MINK1: variants seen among roughly 807,000 people sequenced by gnomAD.
MINK1 encodes the protein misshapen-like kinase 1.
Under a neutral mutation model 178.4 loss-of-function variants are expected in MINK1, and 46 were observed. The observed-to-expected ratio is 0.26, with a 90% CI of 0.20 to 0.33. MINK1 has a LOEUF of 0.33. MINK1 is among the 10% of genes least tolerant of loss of function. MINK1 has a pLI of 1.00. For missense variants in MINK1, 1,366 were observed against 1,814.9 expected, an observed-to-expected ratio of 0.75 and a Z score of 4.49; for synonymous variants, 797 against 709.7, an observed-to-expected ratio of 1.12 and a Z score of -1.96.
chr17:4,893,618 C>T, intron 21 of MINK1, 21 bp downstream of exon 21: 2 of 1,513,674 alleles, frequency 1.3e-6, no homozygotes, highest in Non-Finnish European at 8.9e-7. Context: ...GGGAGTGGGG[C>T]CCTCCCACTC....
Position 4,886,615 on chromosome 17 carries a change from G to T in MINK1, c.938G>T (p.Arg313Leu). ...CACATTGACCGATCCCGGAAGAAGC[G>T]GGGTGAGAAAGGTCAGTGGGCAGGC... ...KDHIDRSRKK[R>L]GEKEETEYEY... The change falls in exon 10 of 32, where the codon CGG becomes CTG. Residue 313 changes from arginine (R) to leucine (L), a missense_variant. Arg to Leu is a moderately radical substitution (Grantham distance 102). Around this residue, in one of 14 missense-constraint regions of MINK1, gnomAD observed 23 missense variants for 30.2 expected, o/e 0.76. Transcript: ENST00000355280. The surrounding 1 kb of genome is among the most constrained non-coding windows in gnomAD (Gnocchi z 6.1). The T allele has an allele frequency of 1.3e-6, 2 of 1,593,582 alleles. No individual in the cohort carries two copies. Among genetic ancestry groups the T allele is most frequent in the Non-Finnish European group, 1.7e-6 (2 of 1,168,634 alleles).
In MINK1 at chr17:4,897,429, C is replaced by G; in HGVS notation, c.*142C>G. ...CTGGAGCCTGCTGGGAACGTGACCT[C>G]TGACCCCTGATGCTTTCGTGATCAC... On this transcript the variant is annotated 3_prime_UTR_variant, in exon 32 of 32. Transcript: ENST00000355280. The G allele has an allele frequency of 1.4e-6, 1 of 690,900 alleles. No individual in the cohort carries two copies. The highest frequency in any genetic ancestry group is 2.5e-6 in the Non-Finnish European group (1 of 405,336). The allele number at this position is 690,900 out of a possible 1,614,324, so 42.8% of individuals were successfully genotyped here. A position where few individuals can be genotyped will look rare whatever the true frequency, so the allele number is the denominator to read the frequency against.
intron 1 of MINK1, chr17:4,854,789 T>C: frequency 2.0e-6 from 1 of 491,462 alleles, no homozygotes; most frequent in Non-Finnish European, 4.1e-6. Context: ...TACTTCACGT[T>C]GTGGATTCAG....
Position 4,892,649 on chromosome 17 carries a change from C to A in MINK1, c.2199-7C>A, listed in dbSNP as rs201871060. 92 of 1,595,908 alleles carry A rather than the reference C, an allele frequency of 5.8e-5. No individual in the cohort carries two copies. In the African/African-American group the frequency reaches 6.7e-4, roughly 12 times the overall value. Reference sequence around the variant, plus strand: ...CCTCCCTGACCCTGACTCTGCCCCCCCAACAGTAACCCCGACCTCAGGAGG... The same window carrying A: ...CCTCCCTGACCCTGACTCTGCCCCCACAACAGTAACCCCGACCTCAGGAGG... On this transcript the variant is annotated splice_region_variant and splice_polypyrimidine_tract_variant and intron_variant, in intron 18 of 31. Coordinates refer to ENST00000355280, the MANE Select transcript of MINK1 (RefSeq NM_153827.5).
Position 4,880,236 on chromosome 17 carries a change from C to T in MINK1, c.124-748C>T, listed in dbSNP as rs549532790. On this transcript the variant is annotated intron_variant, in intron 2 of 31. Coordinates refer to ENST00000355280, the MANE Select transcript of MINK1 (RefSeq NM_153827.5). Reference sequence around the variant, plus strand: ...GGCTCAGGAGCGCTCTCTGTCCACTCCCATGAGCAGCACATTCACTGAGGT... The same window carrying T: ...GGCTCAGGAGCGCTCTCTGTCCACTTCCATGAGCAGCACATTCACTGAGGT... Among the ~76,000 whole-genome samples, 15 of 152,144 alleles carry T rather than the reference C, an allele frequency of 9.9e-5. No individual in the cohort carries two copies. The South Asian group carries it at 2.9e-3, about 30-fold the overall frequency.
chr17:4,846,631 T>C lies in MINK1; in HGVS notation c.57+12991T>C, dbSNP rs529011879. Among the ~76,000 whole-genome samples, 20 of 152,300 alleles carry C rather than the reference T, an allele frequency of 1.3e-4. 1 individual carries two copies. The South Asian group carries it at 2.9e-3, about 22-fold the overall frequency. On this transcript the variant is annotated intron_variant, in intron 1 of 31. Transcript: ENST00000355280. ...CATCGCCAATACAAGTAATAAGTGA[T>C]TGAAGTGTTTGTGTTTAAAGCAGAG...
chr17:4,834,490 C>T (rs1416168115), intron 1 of MINK1, among the ~76,000 whole-genome samples: 1 of 152,180 alleles, frequency 6.6e-6, no homozygotes, highest in African/African-American at 2.4e-5. Context: ...GCAATGGAGA[C>T]CTCTCAAGGT....
At chr17:4,835,948 T>G (rs1434161804) in intron 1 of MINK1, among the ~76,000 whole-genome samples, 1 of 152,164 alleles carries the variant, frequency 6.6e-6, no homozygotes, top group East Asian at 1.9e-4. Context: ...AGCATTCTGC[T>G]TCCCCCTTTC....
chr17:4,857,132 A>G, intron 1 of MINK1: 1 of 252,686 alleles, frequency 4.0e-6, no homozygotes. Flanking sequence ...GACTGTTGTC[A>G]TCATTCAGGG....
intron 1 of MINK1, among the ~76,000 whole-genome samples, chr17:4,858,824 C>T (rs1913615868): frequency 6.6e-6 from 1 of 152,170 alleles, no homozygotes. Context: ...ATAGTCAGTC[C>T]TGGTATGGTT....
intron 2 of MINK1, 79 bp from the exon 3 acceptor site, chr17:4,880,905 A>G (rs1967640536): frequency 7.2e-7 from 1 of 1,380,254 alleles, no homozygotes; most frequent in Non-Finnish European, 9.5e-7. Context: ...GTCTCAAAAA[A>G]AAAAGCTGTG....
chr17:4,872,329 T>TAAA, intron 1 of MINK1, among the ~76,000 whole-genome samples: 1 of 117,632 alleles, frequency 8.5e-6, no homozygotes, highest in African/African-American at 3.2e-5. Context: ...GACTAAGTCT[T>TAAA]AAAAAAAAAA....
chr17:4,845,109 G>A (rs1221600122), intron 1 of MINK1, among the ~76,000 whole-genome samples: 1 of 152,134 alleles, frequency 6.6e-6, no homozygotes, highest in Non-Finnish European at 1.5e-5. Flanking sequence ...CCGAGCAGAT[G>A]TTTAATATTT....
At position 4,894,966 on chromosome 17, in the gene MINK1, T is replaced by C; in HGVS notation, c.2918-109T>C. On this transcript the variant is annotated intron_variant, in intron 24 of 31. Coordinates refer to ENST00000355280, the MANE Select transcript of MINK1 (RefSeq NM_153827.5). This position sits in a 1 kb window ranked among gnomAD's most constrained non-coding sequence, Gnocchi z 4.1. The stretch of plus-strand genomic sequence containing the variant: ...ACCTCCTCTCCTCCTGTCTTTCTCC[T>C]CCTTTCTGCGTATTATGAGGTGCCA... The C allele has an allele frequency of 2.5e-6, 3 of 1,209,516 alleles. No homozygotes were observed. Among genetic ancestry groups the C allele is most frequent in the Non-Finnish European group, 3.5e-6 (3 of 863,348 alleles). The allele number at this position is 1,209,516 out of a possible 1,614,324, so 74.9% of individuals were successfully genotyped here.
chr17:4,894,884 G>T lies in MINK1; in HGVS notation c.2918-191G>T. The T allele has an allele frequency of 1.5e-6, 1 of 683,918 alleles. No homozygotes were observed. Among genetic ancestry groups the T allele is most frequent in the Non-Finnish European group, 2.4e-6 (1 of 410,790 alleles). 42.4% of individuals were successfully genotyped at this position (683,918 alleles called of 1,614,324 possible). A position where few individuals can be genotyped will look rare whatever the true frequency, so the allele number is the denominator to read the frequency against. On this transcript the variant is annotated intron_variant, in intron 24 of 31. Transcript: ENST00000355280. The surrounding 1 kb of genome is among the most constrained non-coding windows in gnomAD (Gnocchi z 4.1). The stretch of plus-strand genomic sequence containing the variant: ...TCAAAGCTAACAAGTGACAGAAATG[G>T]GACTTGAGCCAGACCTTTTGACTCC...
intron 2 of MINK1, among the ~76,000 whole-genome samples, chr17:4,879,985 C>T (rs1967545350): frequency 6.6e-6 from 1 of 152,140 alleles, no homozygotes; most frequent in Non-Finnish European, 1.5e-5. Context: ...CCCCTCCCTC[C>T]CTAGCCTCCT....
intron 1 of MINK1, among the ~76,000 whole-genome samples, chr17:4,837,717 T>G (rs1446506956): frequency 2.0e-5 from 3 of 152,232 alleles, no homozygotes; most frequent in Non-Finnish European, 4.4e-5. Context: ...GTTGACCCAC[T>G]TCGTAAATCA....
intron 1 of MINK1, among the ~76,000 whole-genome samples, chr17:4,870,469 A>G (rs1355712745): frequency 6.6e-6 from 1 of 152,048 alleles, no homozygotes; most frequent in Non-Finnish European, 1.5e-5. Flanking sequence ...GTGATATTGA[A>G]GGATTATTTT....
At chr17:4,837,072 A>T (rs1228636859) in intron 1 of MINK1, among the ~76,000 whole-genome samples, 1 of 152,138 alleles carries the variant, frequency 6.6e-6, no homozygotes, top group East Asian at 1.9e-4. Flanking sequence ...CTGTAATCCC[A>T]GTTACTCGGG....
Sources: allele counts gnomAD v4.1 joint callset (sites outside exome capture counted in the v4.1 genomes callset), GRCh38; gene constraint gnomAD v4.1.1; regional missense constraint gnomAD v4.1.1; non-coding constraint Gnocchi (gnomAD v3.1); transcripts MANE v1.5; gene names NCBI Gene and HGNC (gene_info 2026-07-23, HGNC 2026-07-21).